The following MAGT1 variants were observed in gnomAD, a reference collection of about 807,000 sequenced individuals.
MAGT1 encodes magnesium transporter 1, also known as dolichyl-diphosphooligosaccharide--protein glycosyltransferase subunit MAGT1.
Under a neutral mutation model 28.4 loss-of-function variants are expected in MAGT1, and 4 were observed. The observed-to-expected ratio is 0.14, with a 90% CI of 0.07 to 0.32. MAGT1 has a LOEUF of 0.32. Ranked by LOEUF, MAGT1 falls within the 10% of genes least tolerant of loss-of-function variation. The probability of loss-of-function intolerance (pLI) is 1.00; values close to 1 mark genes in which losing one functional copy is unlikely to be tolerated. For missense variants in MAGT1, 193 were observed against 264.5 expected (o/e 0.73, Z 1.88); for synonymous variants, 89 against 89.7 (o/e 0.99, Z 0.04).
At chrX:77,830,471 C>T (rs781984392) in intron 9 of MAGT1, among the ~76,000 whole-genome samples, 2 of 110,451 alleles carry the variant, frequency 1.8e-5, no homozygotes, top group East Asian at 2.8e-4. Flanking sequence ...CAAAATTAGC[C>T]GGGCATGCTG....
intron 3 of MAGT1, among the ~76,000 whole-genome samples, chrX:77,864,097 G>C (rs1435920305): frequency 3.6e-5 from 4 of 111,137 alleles, no homozygotes; most frequent in Non-Finnish European, 7.5e-5. Context: ...GTTACTTGCA[G>C]CAATATGGAT....
intron 3 of MAGT1, among the ~76,000 whole-genome samples, chrX:77,862,580 A>G (rs1216290295): frequency 2.7e-5 from 3 of 112,176 alleles, no homozygotes; most frequent in Non-Finnish European, 5.6e-5. Flanking sequence ...TCCCATTAAA[A>G]AGTGGACAAA....
chrX:77,884,978 C>T (rs1274129048), intron 1 of MAGT1, among the ~76,000 whole-genome samples: 2 of 105,153 alleles, frequency 1.9e-5, no homozygotes, highest in Admixed American at 1.1e-4. Context: ...AGGAGAATGG[C>T]GTGAACCCGG....
At chrX:77,879,803 A>T (rs1321199686) in intron 1 of MAGT1, among the ~76,000 whole-genome samples, 1 of 107,262 alleles carries the variant, frequency 9.3e-6, no homozygotes, top group Non-Finnish European at 1.9e-5. Flanking sequence ...CACTTTAGAA[A>T]GTAACATGGA....
At chrX:77,888,920 C>T (rs2077074213) in intron 1 of MAGT1, among the ~76,000 whole-genome samples, 2 of 110,554 alleles carry the variant, frequency 1.8e-5, no homozygotes, top group African/African-American at 6.6e-5. Flanking sequence ...CTTTGTGTTA[C>T]AAACCATCCA....
chrX:77,863,157 C>T (rs1255180092), intron 3 of MAGT1, among the ~76,000 whole-genome samples: 3 of 107,459 alleles, frequency 2.8e-5, no homozygotes, highest in Non-Finnish European at 5.8e-5. Context: ...GAGACTCCAT[C>T]TCAAAAAAAA....
At chrX:77,878,491 A>C (rs1332369447) in intron 1 of MAGT1, among the ~76,000 whole-genome samples, 6 of 103,414 alleles carry the variant, frequency 5.8e-5, no homozygotes, top group Admixed American at 3.2e-4. Flanking sequence ...AAAAAGAAAA[A>C]AAGAAAAAAA....
At chrX:77,842,884 T>C (rs1292273523) in intron 7 of MAGT1, among the ~76,000 whole-genome samples, 1 of 112,085 alleles carries the variant, frequency 8.9e-6, no homozygotes, top group Non-Finnish European at 1.9e-5. Flanking sequence ...ACACTTTTAT[T>C]CAGCTTAATA....
intron 7 of MAGT1, among the ~76,000 whole-genome samples, chrX:77,841,679 CTT>C (rs1159254108): frequency 4.1e-5 from 4 of 98,178 alleles, no homozygotes; most frequent in Non-Finnish European, 6.2e-5. Context: ...TATTAAATGG[CTT>C]TTTTTTTTTT....
At chrX:77,869,777 G>T (rs1450575609) in intron 3 of MAGT1, among the ~76,000 whole-genome samples, 1 of 110,614 alleles carries the variant, frequency 9.0e-6, no homozygotes, top group Non-Finnish European at 1.9e-5. Flanking sequence ...TAGTGAAAAG[G>T]GAACACTTTT....
At chrX:77,863,125 A>G (rs1557216577) in intron 3 of MAGT1, among the ~76,000 whole-genome samples, 14 of 108,902 alleles carry the variant, frequency 1.3e-4, no homozygotes. Flanking sequence ...CGAAATCTGC[A>G]CTCCAGCCTG....
intron 5 of MAGT1, 123 bp downstream of exon 5, chrX:77,856,610 T>C (rs782727428): frequency 4.1e-4 from 271 of 668,349 alleles, no homozygotes; most frequent in Non-Finnish European, 5.9e-4. Flanking sequence ...AATTAAAATA[T>C]ATAAAACTAT....
At chrX:77,857,207 C>A in intron 4 of MAGT1, 150 bp downstream of exon 4, 1 of 687,599 alleles carries the variant, frequency 1.5e-6, no homozygotes. Context: ...TTCACTCATT[C>A]ATCAAGATGA....
intron 1 of MAGT1, among the ~76,000 whole-genome samples, chrX:77,888,124 T>C (rs782281539): frequency 2.6e-4 from 29 of 112,113 alleles, no homozygotes; most frequent in African/African-American, 9.4e-4. Context: ...CTAATAGTTG[T>C]TAAACATTCA....
chrX:77,880,936 C>A (rs1384124118), intron 1 of MAGT1, among the ~76,000 whole-genome samples: 3 of 66,554 alleles, frequency 4.5e-5, no homozygotes, highest in Non-Finnish European at 7.8e-5. Context: ...CCAGCCTGGG[C>A]AACAAAGTGA....
Position 77,881,174 on chromosome X carries a change from T to C in MAGT1, c.103-5577A>G, listed in dbSNP as rs986798331. On this transcript the variant is annotated intron_variant, in intron 1 of 9. Transcript: ENST00000618282. ...TATTATTTGATACCGTTTTAATGAT[T>C]CTCAGAGCACAGAAAATATGGGTTC... Among the ~76,000 whole-genome samples, 6 of 110,718 alleles carry C rather than the reference T, an allele frequency of 5.4e-5. No homozygotes were observed. In the East Asian group the frequency reaches 1.7e-3, roughly 31 times the overall value.
At chrX:77,857,580 T>C in intron 3 of MAGT1, 83 bp from the exon 4 acceptor site, 1 of 1,106,961 alleles carries the variant, frequency 9.0e-7, no homozygotes, top group East Asian at 3.0e-5. Context: ...TTAGGCATTT[T>C]ACAAAGATGA....
chrX:77,841,508 T>C (rs782114288), intron 7 of MAGT1, among the ~76,000 whole-genome samples, 188 bp from the exon 8 acceptor site: 39 of 111,707 alleles, frequency 3.5e-4, no homozygotes, highest in Non-Finnish European at 6.8e-4. Flanking sequence ...TACAAAAAAT[T>C]AAAATTGGAA....
chrX:77,864,421 G>C (rs1233192871), intron 3 of MAGT1, among the ~76,000 whole-genome samples: 1 of 111,307 alleles, frequency 9.0e-6, no homozygotes, highest in African/African-American at 3.3e-5. Context: ...ACAGCTAGAA[G>C]AGAGGACTTG....
Sources: allele counts gnomAD v4.1 joint callset (sites outside exome capture counted in the v4.1 genomes callset), GRCh38; gene constraint gnomAD v4.1.1; transcripts MANE v1.5; gene names NCBI Gene and HGNC (gene_info 2026-07-23, HGNC 2026-07-21).